Variants in C5 observed in about 807,000 individuals in gnomAD.
C5 encodes the protein complement C5.
A neutral mutation model predicts 218.8 loss-of-function variants in C5; 140 were observed. The observed-to-expected ratio is 0.64, with a 90% confidence interval of 0.56 to 0.74. C5 has a LOEUF of 0.74. C5 is among the 30% of genes least tolerant of loss of function. The probability of loss-of-function intolerance (pLI) is 0.00; values close to 1 mark genes in which losing one functional copy is unlikely to be tolerated. For missense variants in C5, 1,700 were observed against 1,969.6 expected (o/e 0.86, Z 2.59); for synonymous variants, 614 against 682.3 (o/e 0.90, Z 1.56).
Position 120,976,877 on chromosome 9 carries a change from T to C in C5, c.3687A>G (p.Lys1229=). The C allele has an allele frequency of 6.2e-7, 1 of 1,614,144 alleles. No homozygotes were observed. The highest frequency in any genetic ancestry group is 8.5e-7 in the Non-Finnish European group (1 of 1,179,986). Residue 1229 remains lysine, a synonymous_variant, in exon 29 of 41, where the codon AAA becomes AAG. Coordinates refer to ENST00000223642, the MANE Select transcript of C5 (RefSeq NM_001735.3). ...AGCTGTCTTTATGCTGAAGATTGTC[T>C]TTCCAAAAACGATAAATGGGTGGAT... ...KGNPPIYRFW[K]DNLQHKDSSV... is the part of the protein sequence containing the mutation.
At chr9:120,970,301 G>T (rs2046901544) in intron 31 of C5, 50 bp from the exon 32 acceptor site, 2 of 1,275,742 alleles carry the variant, frequency 1.6e-6, no homozygotes, top group Non-Finnish European at 1.1e-6. Flanking sequence ...GTGGGAAAGT[G>T]ACAAAGGTAT....
chr9:121,033,037 TG>T (rs1564160854), intron 5 of C5, among the ~76,000 whole-genome samples: 1 of 151,472 alleles, frequency 6.6e-6, no homozygotes. Context: ...TGTGTGTGTG[TG>T]TATGTATGTA....
At position 120,962,706 on chromosome 9, in the gene C5, G is replaced by A; in HGVS notation, c.4469C>T (p.Pro1490Leu). ...FELFEVGFLS[P>L]ATFTVYEYHR... ...GTATTCGTACACTGTGAAAGTGGCAGGACTGAGAAACCCAACTTCAAAGAG... is the reference window on the plus strand; with the variant it reads ...GTATTCGTACACTGTGAAAGTGGCAAGACTGAGAAACCCAACTTCAAAGAG... The change falls in exon 36 of 41, where the codon CCT (proline) becomes CTT (leucine). Residue 1490 changes from proline (P) to leucine (L), a missense_variant. Pro to Leu is a moderately conservative substitution (Grantham distance 98). Coordinates refer to ENST00000223642, the MANE Select transcript of C5 (RefSeq NM_001735.3). 1 of 1,613,788 alleles carries A rather than the reference G, an allele frequency of 6.2e-7. No individual in the cohort carries two copies. The highest frequency in any genetic ancestry group is 2.2e-5 in the East Asian group (1 of 44,866).
At chr9:120,977,516 T>C (rs1354310435) in intron 28 of C5, among the ~76,000 whole-genome samples, 1 of 152,122 alleles carries the variant, frequency 6.6e-6, no homozygotes, top group African/African-American at 2.4e-5. Context: ...AGTGCAGTGG[T>C]GTGATTGTAG....
intron 28 of C5, among the ~76,000 whole-genome samples, chr9:120,977,753 T>C (rs534311312): frequency 1.3e-5 from 2 of 152,304 alleles, no homozygotes; most frequent in African/African-American, 4.8e-5. Flanking sequence ...ATAGTACACA[T>C]GTACTAGGAA....
chr9:121,006,344 T>C (rs2047215560), intron 19 of C5, among the ~76,000 whole-genome samples: 1 of 152,220 alleles, frequency 6.6e-6, no homozygotes. Context: ...AGATATTCAT[T>C]ATTGGCTCCA....
chr9:121,012,713 T>C (rs558458789), intron 17 of C5, among the ~76,000 whole-genome samples: 1 of 152,346 alleles, frequency 6.6e-6, no homozygotes, highest in Admixed American at 6.5e-5. Context: ...GTAACCATCA[T>C]GGAGCGTACT....
At chr9:120,969,940 A>C (rs2046898182) in intron 32 of C5, among the ~76,000 whole-genome samples, 1 of 152,224 alleles carries the variant, frequency 6.6e-6, no homozygotes, top group African/African-American at 2.4e-5. Flanking sequence ...ATCAATAGCA[A>C]ATACATTTAG....
chr9:121,033,036 G>GTA (rs2047490579), intron 5 of C5, among the ~76,000 whole-genome samples: 2 of 151,360 alleles, frequency 1.3e-5, no homozygotes, highest in East Asian at 1.9e-4. Flanking sequence ...GTGTGTGTGT[G>GTA]TGTATGTATG....
chr9:120,990,739 T>C (rs2047071121), intron 23 of C5, among the ~76,000 whole-genome samples: 2 of 152,210 alleles, frequency 1.3e-5, no homozygotes, highest in Non-Finnish European at 2.9e-5. Context: ...TTGTATTATT[T>C]ATAAATTTTG....
intron 7 of C5, 52 bp downstream of exon 7, chr9:121,030,345 G>C (rs968374534): frequency 9.5e-6 from 9 of 948,512 alleles, no homozygotes; most frequent in Non-Finnish European, 1.5e-5. Context: ...AACCAGAGTT[G>C]AGTTAATTTG....
intron 30 of C5, among the ~76,000 whole-genome samples, chr9:120,974,334 G>C (rs1409260540): frequency 2.6e-5 from 4 of 152,214 alleles, no homozygotes; most frequent in African/African-American, 9.6e-5. Flanking sequence ...ACCACCAGCA[G>C]CCTCCCAGAC....
chr9:121,037,931 A>G lies in C5; in HGVS notation c.442T>C (p.Leu148=). 1 of 1,524,592 alleles carries G rather than the reference A, an allele frequency of 6.6e-7. No homozygotes were observed. The highest frequency in any genetic ancestry group is 9.0e-7 in the Non-Finnish European group (1 of 1,110,544). 94.4% of individuals were successfully genotyped at this position (1,524,592 alleles called of 1,614,324 possible). A position where few individuals can be genotyped will look rare whatever the true frequency, so the allele number is the denominator to read the frequency against. ...DQSVKVRVYS[L]NDDLKPAKRE... is the part of the protein sequence containing the mutation. ...TTGGCTGGCTTCAAGTCGTCATTCA[A>G]CGAATAAACTCTAACTTTTACTGTA... is the stretch of plus-strand genomic sequence containing the variant. Residue 148 remains leucine, a synonymous_variant, in exon 4 of 41, where the codon TTG becomes CTG. Transcript: ENST00000223642.
In C5 at chr9:121,006,991, T is replaced by A. The variant is rs1163473158; in HGVS notation, c.2349-14A>T. On this transcript the variant is annotated splice_polypyrimidine_tract_variant and intron_variant, in intron 18 of 40. Coordinates refer to ENST00000223642, the MANE Select transcript of C5 (RefSeq NM_001735.3). ...TGCAACTGTTTTCTGGAAGTTAAAATGTTGATATTCAAATACAGTGGAATA... is the reference window on the plus strand; with the variant it reads ...TGCAACTGTTTTCTGGAAGTTAAAAAGTTGATATTCAAATACAGTGGAATA... The A allele has an allele frequency of 6.3e-7, 1 of 1,583,084 alleles. No homozygotes were observed. Among genetic ancestry groups the A allele is most frequent in the Non-Finnish European group, 8.7e-7 (1 of 1,151,742 alleles).
intron 38 of C5, among the ~76,000 whole-genome samples, chr9:120,959,876 T>A (rs1180944269): frequency 6.6e-6 from 1 of 152,204 alleles, no homozygotes; most frequent in Admixed American, 6.5e-5. Context: ...CCAAGCCCCC[T>A]AAATCACCTT....
the C5 span, among the ~76,000 whole-genome samples, chr9:121,062,976 G>A: frequency 2.0e-5 from 3 of 151,936 alleles, no homozygotes; most frequent in African/African-American, 7.3e-5. Flanking sequence ...CATACTTGGA[G>A]TTCATTGAGT....
At chr9:121,040,536 A>C (rs2047568651) in intron 3 of C5, among the ~76,000 whole-genome samples, 1 of 152,234 alleles carries the variant, frequency 6.6e-6, no homozygotes, top group Admixed American at 6.5e-5. Context: ...CAAGACGATT[A>C]AAAAATACTT....
the C5 span, among the ~76,000 whole-genome samples, chr9:121,067,818 C>T: frequency 6.6e-5 from 10 of 152,170 alleles, no homozygotes; most frequent in East Asian, 1.9e-3. Flanking sequence ...AAAAGATGTG[C>T]CTTGCTTCCC....
In C5 at chr9:120,980,249, G is replaced by A; in HGVS notation, c.3492C>T (p.Ile1164=). The change falls in exon 28 of 41, where the codon ATC becomes ATT. Residue 1164 remains isoleucine (I), a synonymous_variant. Coordinates refer to ENST00000223642, the MANE Select transcript of C5 (RefSeq NM_001735.3). ...TGTCAGCTTTAATTAGAGCTGTGTC[G>A]ATTTTCTGGAAACAAGAGAAGATAC... ...KAFDICPLVK[I]DTALIKADNF... The A allele has an allele frequency of 1.2e-6, 2 of 1,613,860 alleles. No homozygotes were observed. The highest frequency in any genetic ancestry group is 1.3e-5 in the African/African-American group (1 of 75,040).
Sources: gnomAD v4.1 joint callset for allele counts (sites outside exome capture counted in the v4.1 genomes callset) on GRCh38, gnomAD v4.1.1 for gene constraint, MANE v1.5 for transcripts, NCBI Gene and HGNC (gene_info 2026-07-23, HGNC 2026-07-21) for gene names.